The following DYRK1A variants were observed in gnomAD, a reference collection of about 807,000 sequenced individuals.
DYRK1A encodes dual specificity tyrosine phosphorylation regulated kinase 1A.
Under a neutral mutation model 79.7 loss-of-function variants are expected in DYRK1A, and 9 were observed. The ratio of observed to expected loss-of-function variants is 0.11; its 90% confidence interval spans 0.07 to 0.20. The LOEUF (loss-of-function observed/expected upper bound fraction) is 0.20, where lower values mean the gene tolerates loss of function less well. DYRK1A is among the 10% of genes least tolerant of loss of function. DYRK1A has a pLI of 1.00. For synonymous variants in DYRK1A, 349 were observed against 329.7 expected (o/e 1.06, Z -0.63); for missense variants, 622 against 956.0 (o/e 0.65, Z 4.61).
chr21:37,411,049 T>TAAAAAAAAA (rs35292922), intron 1 of DYRK1A, among the ~76,000 whole-genome samples: 7 of 56,440 alleles, frequency 1.2e-4, no homozygotes, highest in African/African-American at 1.5e-4. Context: ...ATTCTGTCTT[T>TAAAAAAAAA]AAAAAAAAAA....
intron 2 of DYRK1A, among the ~76,000 whole-genome samples, chr21:37,468,465 C>T (rs1013172839): frequency 1.3e-5 from 2 of 152,100 alleles, no homozygotes; most frequent in Non-Finnish European, 2.9e-5. Flanking sequence ...ATTTTTAAAG[C>T]TATTGTAATT....
At chr21:37,468,481 A>G (rs1000173080) in intron 2 of DYRK1A, among the ~76,000 whole-genome samples, 1 of 152,200 alleles carries the variant, frequency 6.6e-6, no homozygotes, top group South Asian at 2.1e-4. Flanking sequence ...TAATTTAGGT[A>G]GTGTCCAGTT....
intron 2 of DYRK1A, among the ~76,000 whole-genome samples, chr21:37,437,411 G>T (rs1459803053): frequency 6.6e-6 from 1 of 152,120 alleles, no homozygotes; most frequent in East Asian, 1.9e-4. Flanking sequence ...GGAGGGAAGG[G>T]ATTGATTGTA....
chr21:37,505,304 C>G lies in DYRK1A; in HGVS notation c.1234C>G (p.Arg412Gly), dbSNP rs778345859. Residue 412 changes from arginine (R) to glycine (G), a missense_variant, in exon 10 of 12, where the codon CGT (arginine) becomes GGT (glycine). Physicochemically the swap from Arg to Gly is moderately radical, Grantham distance 125 (BLOSUM62 -2). Coordinates refer to ENST00000647188, the MANE Select transcript of DYRK1A (RefSeq NM_001347721.2). ...ACAGGAGTACAAACCACCAGGAACCCGTAAACTTCATAACATTCTTGGAGT... is the reference window on the plus strand; with the variant it reads ...ACAGGAGTACAAACCACCAGGAACCGGTAAACTTCATAACATTCTTGGAGT... ...GKREYKPPGTRKLHNILGVET... is the reference protein window; with the variant it reads ...GKREYKPPGTGKLHNILGVET... 1 of 1,612,276 alleles carries G rather than the reference C, an allele frequency of 6.2e-7. No homozygotes were observed. Among genetic ancestry groups the G allele is most frequent in the African/African-American group, 1.3e-5 (1 of 74,840 alleles).
chr21:37,473,410 G>A (rs967079364), intron 3 of DYRK1A, among the ~76,000 whole-genome samples: 1 of 152,134 alleles, frequency 6.6e-6, no homozygotes, highest in Admixed American at 6.6e-5. Flanking sequence ...TAGAATACAT[G>A]CTGAACTCTT....
upstream of DYRK1A, chr21:37,366,204 C>T (rs1354590779): frequency 6.6e-6 from 1 of 150,888 alleles, no homozygotes; most frequent in Non-Finnish European, 1.5e-5. Context: ...CCTCCAGGCC[C>T]GGGCGCGCGG....
At chr21:37,437,837 A>G (rs1431000499) in intron 2 of DYRK1A, among the ~76,000 whole-genome samples, 1 of 152,144 alleles carries the variant, frequency 6.6e-6, no homozygotes, top group Non-Finnish European at 1.5e-5. Flanking sequence ...TTTTGTATGG[A>G]CATATGTTTT....
At chr21:37,451,888 T>G (rs937568165) in intron 2 of DYRK1A, among the ~76,000 whole-genome samples, 1 of 152,060 alleles carries the variant, frequency 6.6e-6, no homozygotes, top group African/African-American at 2.4e-5. Flanking sequence ...GAAGTTTGAG[T>G]TGAAGACTTC....
Position 37,505,378 on chromosome 21 carries a change from G to A in DYRK1A, c.1308G>A (p.Thr436=), listed in dbSNP as rs376512809. ...GACGTGCTGGGGAGTCAGGTCATAC[G>A]GTCGCTGACTACTTGAAGTTCAAAG... The part of the protein sequence containing the change: ...GGRRAGESGH[T]VADYLKFKDL... Residue 436 remains threonine, a synonymous_variant, in exon 10 of 12, where the codon ACG becomes ACA. Coordinates refer to ENST00000647188, the MANE Select transcript of DYRK1A (RefSeq NM_001347721.2). 1.1e-5 allele frequency: 17 copies of A among 1,614,006 alleles called. No individual in the cohort carries two copies. Among genetic ancestry groups the A allele is most frequent in the Non-Finnish European group, 1.4e-5 (16 of 1,180,018 alleles).
At chr21:37,455,019 CTTTT>C (rs72223324) in intron 2 of DYRK1A, among the ~76,000 whole-genome samples, 3 of 116,846 alleles carry the variant, frequency 2.6e-5, no homozygotes, top group Admixed American at 8.7e-5. Context: ...GGGTGGTCAC[CTTTT>C]TTTTTTTTTT....
rs2052182936 is a variant in DYRK1A at position 37,470,435 on chromosome 21, GTGTT to G, written c.11-2246_11-2243del. Among the ~76,000 whole-genome samples the G allele has an allele frequency of 4.6e-5, 7 of 152,280 alleles. No individual in the cohort carries two copies. The South Asian group carries it at 1.5e-3, about 32-fold the overall frequency. On this transcript the variant is annotated intron_variant, in intron 2 of 11. Coordinates refer to ENST00000647188, the MANE Select transcript of DYRK1A (RefSeq NM_001347721.2). ...ACAGAAGCTAACATTTTTATAAAAA[GTGTT>G]TGGTGTGTGTCACAGGTTTCATTCT...
chr21:37,410,953 G>A (rs34743634), intron 1 of DYRK1A, among the ~76,000 whole-genome samples: 20,636 of 150,780 alleles, frequency 0.14, 1,524 homozygotes, highest in Middle Eastern at 0.17. Flanking sequence ...GGATGCCGAG[G>A]CATGAGAATT....
At chr21:37,479,827 C>T (rs2052570636) in intron 4 of DYRK1A, among the ~76,000 whole-genome samples, 1 of 151,600 alleles carries the variant, frequency 6.6e-6, no homozygotes, top group Admixed American at 6.6e-5. Context: ...CGGGGTTTCA[C>T]CGTGTTAGCC....
At chr21:37,373,227 G>A (rs1392764952) in intron 1 of DYRK1A, among the ~76,000 whole-genome samples, 10 of 152,162 alleles carry the variant, frequency 6.6e-5, no homozygotes, top group Admixed American at 6.5e-4. Flanking sequence ...CCAGGATTTT[G>A]AGAATGTGAA....
chr21:37,471,466 C>T (rs965981222), intron 2 of DYRK1A, among the ~76,000 whole-genome samples: 1 of 152,216 alleles, frequency 6.6e-6, no homozygotes, highest in African/African-American at 2.4e-5. Flanking sequence ...CCCCATGAGC[C>T]TTTACTGCAC....
intron 3 of DYRK1A, among the ~76,000 whole-genome samples, chr21:37,475,330 AAGGGAGCTTGCTCTATT>A (rs1334979158): frequency 6.6e-6 from 1 of 152,210 alleles, no homozygotes; most frequent in Non-Finnish European, 1.5e-5. Context: ...TAGAAGGTAG[AAGGGAGCTTGCTCTATT>A]ACTGTACATT....
intron 1 of DYRK1A, among the ~76,000 whole-genome samples, chr21:37,375,976 A>G (rs531026761): frequency 6.6e-6 from 1 of 152,126 alleles, no homozygotes; most frequent in Non-Finnish European, 1.5e-5. Context: ...CTATACCAAT[A>G]TAAACCTGAA....
intron 2 of DYRK1A, among the ~76,000 whole-genome samples, chr21:37,449,292 T>C (rs1219868130): frequency 6.6e-6 from 1 of 152,196 alleles, no homozygotes; most frequent in Non-Finnish European, 1.5e-5. Context: ...ATTTCAGTGG[T>C]TTAAATCAGT....
At chr21:37,432,430 C>T (rs749905501) in intron 2 of DYRK1A, among the ~76,000 whole-genome samples, 4 of 152,092 alleles carry the variant, frequency 2.6e-5, no homozygotes, top group African/African-American at 4.8e-5. Context: ...CTTGGCTTAA[C>T]GTTTTTATGA....
Sources: allele counts gnomAD v4.1 joint callset (sites outside exome capture counted in the v4.1 genomes callset), GRCh38; gene constraint gnomAD v4.1.1; transcripts MANE v1.5; gene names NCBI Gene and HGNC (gene_info 2026-07-23, HGNC 2026-07-21).